Variants in SETMAR observed in about 807,000 individuals in gnomAD.
SETMAR encodes histone-lysine N-methyltransferase SETMAR.
A neutral mutation model predicts 58.4 loss-of-function variants in SETMAR; 44 were observed. That is an observed-to-expected ratio of 0.75 (90% CI 0.59 to 0.97). The LOEUF is 0.97. Ranked by LOEUF, SETMAR falls within the 50% of genes least tolerant of loss-of-function variation. SETMAR has a pLI of 0.00. For synonymous variants in SETMAR, 332 were observed against 307.4 expected, an observed-to-expected ratio of 1.08 and a Z score of -0.84; for missense variants, 903 against 840.2, an observed-to-expected ratio of 1.07 and a Z score of -0.92.
intron 1 of SETMAR, among the ~76,000 whole-genome samples, chr3:4,305,038 T>C (rs9942117): frequency 0.013 from 1,950 of 152,266 alleles, 29 homozygotes; most frequent in African/African-American, 0.043. Flanking sequence ...TGGTTAACAA[T>C]TGGTTGAGTT....
At chr3:4,312,717 A>AC (rs1698456547) in intron 1 of SETMAR, among the ~76,000 whole-genome samples, 181 bp from the exon 2 acceptor site, 1 of 151,636 alleles carries the variant, frequency 6.6e-6, no homozygotes, top group Admixed American at 6.6e-5. Context: ...AAAAAAAAAA[A>AC]AAAACTTGTT....
chr3:4,304,277 G>T (rs1189059312), intron 1 of SETMAR, among the ~76,000 whole-genome samples: 1 of 152,188 alleles, frequency 6.6e-6, no homozygotes, highest in Non-Finnish European at 1.5e-5. Context: ...GAGTAGCTGG[G>T]ATTACAGGCA....
intron 1 of SETMAR, among the ~76,000 whole-genome samples, chr3:4,312,131 T>C (rs574254248): frequency 1.3e-5 from 2 of 152,328 alleles, no homozygotes; most frequent in South Asian, 2.1e-4. Flanking sequence ...TATCTAGTAA[T>C]ATCTATTTAA....
chr3:4,316,108 T>C, intron 2 of SETMAR, 104 bp from the exon 3 acceptor site: 1 of 549,780 alleles, frequency 1.8e-6, no homozygotes, highest in South Asian at 2.6e-5. Flanking sequence ...TATTTGATAT[T>C]GGAATACATT....
At chr3:4,315,694 T>A (rs1456714252) in intron 2 of SETMAR, among the ~76,000 whole-genome samples, 2 of 152,160 alleles carry the variant, frequency 1.3e-5, no homozygotes, top group Non-Finnish European at 2.9e-5. Flanking sequence ...AAAAATATAC[T>A]TCCACTTGAC....
At position 4,316,876 on chromosome 3, in the gene SETMAR, A is replaced by G; in HGVS notation, c.1685A>G (p.Glu562Gly). ...ETITSEKYAQ[E>G]IDEMNQKLQR... ...ATTACATCTGAGAAGTATGCTCAGGAAATCGATGAGATGAACCAAAAACTG... is the reference window on the plus strand; with the variant it reads ...ATTACATCTGAGAAGTATGCTCAGGGAATCGATGAGATGAACCAAAAACTG... The change falls in exon 3 of 3, where the codon GAA becomes GGA. Residue 562 changes from glutamate (E) to glycine (G), a missense_variant. Transcript: ENST00000358065. The G allele has an allele frequency of 6.5e-7, 1 of 1,549,488 alleles. No individual in the cohort carries two copies. The highest frequency in any genetic ancestry group is 8.7e-7 in the Non-Finnish European group (1 of 1,146,762).
At position 4,313,546 on chromosome 3, in the gene SETMAR, C is replaced by G. The variant is rs1430601624; in HGVS notation, c.805C>G (p.Leu269Val). 1 of 1,614,014 alleles carries G rather than the reference C, an allele frequency of 6.2e-7. No individual in the cohort carries two copies. Among genetic ancestry groups the G allele is most frequent in the Non-Finnish European group, 8.5e-7 (1 of 1,179,960 alleles). ...TGATTATTCAGGAAGATATCTTAAT[C>G]TAACAGTCAGTGAAGACAAAGAAAG... ...SYDYSGRYLN[L>V]TVSEDKERLD... Residue 269 changes from leucine (L) to valine (V), a missense_variant, in exon 2 of 3, where the codon CTA becomes GTA. Transcript: ENST00000358065.
intron 1 of SETMAR, among the ~76,000 whole-genome samples, chr3:4,306,752 G>GCACA (rs1698206630): frequency 6.6e-6 from 1 of 152,238 alleles, no homozygotes; most frequent in African/African-American, 2.4e-5. Context: ...ACAGGCATAT[G>GCACA]CACACATAAG....
chr3:4,306,805 T>C (rs1370892276), intron 1 of SETMAR, among the ~76,000 whole-genome samples: 1 of 152,244 alleles, frequency 6.6e-6, no homozygotes, highest in Non-Finnish European at 1.5e-5. Flanking sequence ...TAACTTTGTG[T>C]CTGTTTTGCC....
chr3:4,315,059 A>T (rs1208212645), intron 2 of SETMAR, among the ~76,000 whole-genome samples: 2 of 152,160 alleles, frequency 1.3e-5, no homozygotes, highest in Non-Finnish European at 2.9e-5. Context: ...TGTTCATATA[A>T]CATTACATGG....
chr3:4,305,494 T>C (rs564561924), intron 1 of SETMAR, among the ~76,000 whole-genome samples: 4 of 152,310 alleles, frequency 2.6e-5, no homozygotes, highest in South Asian at 2.1e-4. Flanking sequence ...TCGGTCTTAG[T>C]TGATTATCTC....
At chr3:4,313,972 T>G in intron 2 of SETMAR, 1 of 885,126 alleles carries the variant, frequency 1.1e-6, no homozygotes, top group Non-Finnish European at 1.7e-6. Flanking sequence ...CCTAGTTAGA[T>G]TTGTCTTAGT....
Position 4,305,485 on chromosome 3 carries a change from C to G in SETMAR, c.156+1959C>G, listed in dbSNP as rs535709469. Among the ~76,000 whole-genome samples, 13 of 152,148 alleles carry G rather than the reference C, an allele frequency of 8.5e-5. No homozygotes were observed. The South Asian group carries it at 2.7e-3, about 32-fold the overall frequency. On this transcript the variant is annotated intron_variant, in intron 1 of 2. Transcript: ENST00000358065. The stretch of plus-strand genomic sequence containing the variant: ...TCTTATCTAACTTAAAAAGGTGCCT[C>G]GGTCTTAGTTGATTATCTCCTTGTT...
chr3:4,303,694 C>T, intron 1 of SETMAR, 168 bp downstream of exon 1: 3 of 1,500,216 alleles, frequency 2.0e-6, no homozygotes, highest in Non-Finnish European at 2.7e-6. Context: ...GGGCCTTTTT[C>T]TGTTGACCCA....
chr3:4,312,625 C>A (rs1008959228), intron 1 of SETMAR, among the ~76,000 whole-genome samples: 1 of 151,166 alleles, frequency 6.6e-6, no homozygotes, highest in East Asian at 1.9e-4. Context: ...GCAGGAGAAT[C>A]GCTTGAGCCC....
chr3:4,306,732 C>G (rs930177324), intron 1 of SETMAR, among the ~76,000 whole-genome samples: 1 of 152,234 alleles, frequency 6.6e-6, no homozygotes, highest in Non-Finnish European at 1.5e-5. Flanking sequence ...TTGCTCCAAA[C>G]CCTGCCTTCA....
At chr3:4,304,041 C>G (rs1025466296) in intron 1 of SETMAR, 1 of 218,042 alleles carries the variant, frequency 4.6e-6, no homozygotes, top group Non-Finnish European at 9.5e-6. Flanking sequence ...CAGTACCTCT[C>G]TTCCGGAGTG....
intron 1 of SETMAR, chr3:4,303,906 C>G (rs375848723): frequency 1.6e-6 from 2 of 1,223,952 alleles, no homozygotes. Context: ...GGATCGCAGC[C>G]GGTGTCGTGC....
In SETMAR at chr3:4,313,693, G is replaced by A. The variant is rs757186238; in HGVS notation, c.952G>A (p.Glu318Lys). 1.9e-6 allele frequency: 3 copies of A among 1,614,042 alleles called. No homozygotes were observed. Among genetic ancestry groups the A allele is most frequent in the South Asian group, 1.1e-5 (1 of 91,082 alleles). The change falls in exon 2 of 3, where the codon GAG becomes AAG. Residue 318 changes from glutamate (E) to lysine (K), a missense_variant. Glu to Lys is a moderately conservative substitution (Grantham distance 56). Coordinates refer to ENST00000358065, the MANE Select transcript of SETMAR (RefSeq NM_006515.4). ...AAAGTCGAACATCAGTTGTGGAAAT[G>A]AGAAGGAACCCAGCATGTGTGGCTC... ...VEKSNISCGN[E>K]KEPSMCGSAP...
Sources: gnomAD v4.1 joint callset for allele counts (sites outside exome capture counted in the v4.1 genomes callset) on GRCh38, gnomAD v4.1.1 for gene constraint, MANE v1.5 for transcripts, NCBI Gene and HGNC (gene_info 2026-07-23, HGNC 2026-07-21) for gene names.